Variants in MAGI2 observed in about 807,000 individuals in gnomAD.
The protein encoded by MAGI2 is membrane-associated guanylate kinase, WW and PDZ domain-containing protein 2.
Under a neutral mutation model 133.3 loss-of-function variants are expected in MAGI2, and 35 were observed. That is an observed-to-expected ratio of 0.26 (90% confidence interval 0.20 to 0.35). MAGI2 has a LOEUF of 0.35. Among genes scored for constraint, MAGI2 ranks in the 10% least tolerant of loss-of-function variants. MAGI2 has a pLI of 1.00. For missense variants in MAGI2, 1,636 were observed against 1,863.4 expected, an observed-to-expected ratio of 0.88 and a Z score of 2.25; for synonymous variants, 729 against 710.6, an observed-to-expected ratio of 1.03 and a Z score of -0.41.
chr7:78,254,516 C>T (rs576487803), intron 10 of MAGI2: 145 of 152,266 alleles, frequency 9.5e-4, no homozygotes, highest in Middle Eastern at 3.4e-3. Context: ...GTAACAATGC[C>T]TTGAGAAGGT....
intron 1 of MAGI2, among the ~76,000 whole-genome samples, chr7:79,072,111 A>G (rs774389512): frequency 1.3e-5 from 2 of 152,016 alleles, no homozygotes; most frequent in Non-Finnish European, 2.9e-5. Flanking sequence ...CTTGCCCTCC[A>G]TGGGCTGCAC....
intron 2 of MAGI2, among the ~76,000 whole-genome samples, chr7:78,779,722 G>A (rs962277402): frequency 3.3e-5 from 5 of 152,190 alleles, no homozygotes; most frequent in East Asian, 1.9e-4. Context: ...CATTTCTTGA[G>A]CTTTCAACAT....
chr7:79,359,863 A>T (rs910216819), intron 1 of MAGI2, among the ~76,000 whole-genome samples: 3 of 152,172 alleles, frequency 2.0e-5, no homozygotes, highest in Admixed American at 2.0e-4. Context: ...CCATTTAGAA[A>T]AAAAAGAAAA....
chr7:79,142,539 A>G (rs1484624400), intron 1 of MAGI2, among the ~76,000 whole-genome samples: 1 of 152,184 alleles, frequency 6.6e-6, no homozygotes, highest in Non-Finnish European at 1.5e-5. Flanking sequence ...AAACTGGAAC[A>G]TGGAGAATGT....
At chr7:79,158,143 T>C (rs1824000434) in intron 1 of MAGI2, among the ~76,000 whole-genome samples, 1 of 152,080 alleles carries the variant, frequency 6.6e-6, no homozygotes, top group Admixed American at 6.6e-5. Flanking sequence ...AATTTAGGGC[T>C]ATTTAGCTGA....
At chr7:78,344,497 A>G (rs1313995611) in intron 8 of MAGI2, among the ~76,000 whole-genome samples, 1 of 152,210 alleles carries the variant, frequency 6.6e-6, no homozygotes, top group Non-Finnish European at 1.5e-5. Flanking sequence ...TATCACAAAC[A>G]GAGAAACAGT....
chr7:79,067,781 C>T (rs904961993), intron 1 of MAGI2, among the ~76,000 whole-genome samples: 2 of 152,170 alleles, frequency 1.3e-5, no homozygotes, highest in African/African-American at 4.8e-5. Flanking sequence ...TACATTCCAT[C>T]AATACCTAGT....
At chr7:78,112,058 A>G (rs781340053) in intron 20 of MAGI2, among the ~76,000 whole-genome samples, 3 of 152,088 alleles carry the variant, frequency 2.0e-5, no homozygotes, top group Non-Finnish European at 2.9e-5. Context: ...GATTTCATCA[A>G]CTTCCTTAGG....
intron 1 of MAGI2, among the ~76,000 whole-genome samples, chr7:79,199,266 G>T (rs1828375262): frequency 6.6e-6 from 1 of 151,904 alleles, no homozygotes; most frequent in South Asian, 2.1e-4. Flanking sequence ...CATTTGGAGG[G>T]CAGAAGGTGG....
At chr7:78,862,211 T>A (rs1305814190) in intron 2 of MAGI2, among the ~76,000 whole-genome samples, 1 of 152,194 alleles carries the variant, frequency 6.6e-6, no homozygotes, top group Non-Finnish European at 1.5e-5. Flanking sequence ...TTCTCTCTCT[T>A]TTACAACAGA....
intron 1 of MAGI2, among the ~76,000 whole-genome samples, chr7:79,149,161 T>A (rs980618640): frequency 7.0e-6 from 1 of 143,270 alleles, no homozygotes; most frequent in South Asian, 2.1e-4. Flanking sequence ...ATATATATAT[T>A]ATATATATAG....
chr7:78,114,510 T>C (rs371509796), intron 20 of MAGI2, among the ~76,000 whole-genome samples: 39 of 152,340 alleles, frequency 2.6e-4, no homozygotes, highest in African/African-American at 9.4e-4. Context: ...TGGCAGGATA[T>C]GAGCAAGCTA....
intron 2 of MAGI2, among the ~76,000 whole-genome samples, chr7:78,661,520 G>A (rs981256802): frequency 4.6e-5 from 7 of 152,104 alleles, no homozygotes; most frequent in African/African-American, 7.2e-5. Context: ...AATGTTAACC[G>A]TTTCCTCCTT....
At chr7:78,730,879 T>C (rs1015884683) in intron 2 of MAGI2, among the ~76,000 whole-genome samples, 2 of 152,172 alleles carry the variant, frequency 1.3e-5, no homozygotes, top group African/African-American at 4.8e-5. Flanking sequence ...AGCAGAAAGA[T>C]ATATTCACTG....
chr7:79,211,126 G>A (rs1300537380), intron 1 of MAGI2, among the ~76,000 whole-genome samples: 1 of 152,016 alleles, frequency 6.6e-6, no homozygotes, highest in Non-Finnish European at 1.5e-5. Flanking sequence ...AAGTAAGTAG[G>A]TTAATAAAGA....
At chr7:78,791,708 C>T (rs1787163172) in intron 2 of MAGI2, among the ~76,000 whole-genome samples, 2 of 151,984 alleles carry the variant, frequency 1.3e-5, no homozygotes, top group Admixed American at 6.6e-5. Flanking sequence ...CGCCACCACG[C>T]CTGGCTAATT....
chr7:79,258,080 G>T (rs1833823580), intron 1 of MAGI2, among the ~76,000 whole-genome samples: 1 of 152,050 alleles, frequency 6.6e-6, no homozygotes, highest in South Asian at 2.1e-4. Flanking sequence ...TCCATGATTG[G>T]TTTTGTCCAT....
intron 1 of MAGI2, among the ~76,000 whole-genome samples, chr7:79,389,128 T>C (rs1012572569): frequency 3.9e-5 from 6 of 152,016 alleles, no homozygotes; most frequent in African/African-American, 1.4e-4. Context: ...TTAAGTAAGA[T>C]ACCTAATGTG....
At chr7:78,998,091 C>T (rs1584623175) in intron 2 of MAGI2, among the ~76,000 whole-genome samples, 1 of 152,264 alleles carries the variant, frequency 6.6e-6, no homozygotes, top group East Asian at 1.9e-4. Flanking sequence ...TTTCAAGGGA[C>T]ATCAGAGTTA....
Sources: gnomAD v4.1 joint callset for allele counts (sites outside exome capture counted in the v4.1 genomes callset) on GRCh38, gnomAD v4.1.1 for gene constraint, MANE v1.5 for transcripts, NCBI Gene and HGNC (gene_info 2026-07-23, HGNC 2026-07-21) for gene names.